TRIO: variants seen among roughly 807,000 people sequenced by gnomAD.
TRIO encodes triple functional domain protein.
In TRIO, 58 loss-of-function variants were observed where a neutral mutation model predicts 351.9. The ratio of observed to expected loss-of-function variants is 0.16; its 90% CI spans 0.13 to 0.21. TRIO has a LOEUF of 0.21. TRIO is among the 10% of genes least tolerant of loss of function. The pLI, the probability that TRIO is intolerant of heterozygous loss-of-function variation, is 1.00. For missense variants in TRIO, 3,201 were observed against 4,027.8 expected (o/e 0.79, Z 5.56); for synonymous variants, 1,758 against 1,595.7 (o/e 1.10, Z -2.42).
At chr5:14,388,500 C>G in intron 23 of TRIO, 113 bp from the exon 24 acceptor site, 1 of 1,012,444 alleles carries the variant, frequency 9.9e-7, no homozygotes, top group Non-Finnish European at 1.5e-6. Flanking sequence ...CCAAAATGAT[C>G]AATCTAAGAC....
intron 1 of TRIO, among the ~76,000 whole-genome samples, chr5:14,237,571 G>T (rs370360676): frequency 1.3e-5 from 2 of 152,176 alleles, no homozygotes; most frequent in Non-Finnish European, 2.9e-5. Flanking sequence ...TGTGTCGTGC[G>T]CACACCTGCT....
At chr5:14,298,139 A>G (rs916003508) in intron 7 of TRIO, among the ~76,000 whole-genome samples, 1 of 152,118 alleles carries the variant, frequency 6.6e-6, no homozygotes, top group African/African-American at 2.4e-5. Context: ...ACTTAGCTAC[A>G]TGGCATCTGA....
At position 14,244,270 on chromosome 5, in the gene TRIO, G is replaced by T. The variant is rs545451001; in HGVS notation, c.158-26555G>T. ...GCCAGTTTCGGGAATGCACTTTGAA[G>T]TTGTAATTTCCTGTTTAATTTATGA... On this transcript the variant is annotated intron_variant, in intron 1 of 56. Transcript: ENST00000344204. Among the ~76,000 whole-genome samples, 17 of 152,296 alleles carry T rather than the reference G, an allele frequency of 1.1e-4. No individual in the cohort carries two copies. The East Asian group carries it at 2.3e-3, about 21-fold the overall frequency.
chr5:14,504,091 G>A (rs1757484536), intron 54 of TRIO, among the ~76,000 whole-genome samples: 1 of 152,252 alleles, frequency 6.6e-6, no homozygotes, highest in Non-Finnish European at 1.5e-5. Flanking sequence ...GCCCGGCAAG[G>A]CCAAGGCTCA....
At chr5:14,223,112 T>C (rs1231327539) in intron 1 of TRIO, among the ~76,000 whole-genome samples, 3 of 152,194 alleles carry the variant, frequency 2.0e-5, no homozygotes, top group Non-Finnish European at 4.4e-5. Context: ...CTGCTGCTTA[T>C]GAGTTGTCCC....
chr5:14,343,105 AAGAG>A (rs1169316177), intron 11 of TRIO, among the ~76,000 whole-genome samples: 48 of 124,474 alleles, frequency 3.9e-4, no homozygotes, highest in African/African-American at 1.2e-3. Flanking sequence ...AAAAAAAAAA[AAGAG>A]AGAGAAATGG....
chr5:14,398,053 T>G (rs1237285043), intron 29 of TRIO, among the ~76,000 whole-genome samples: 2 of 152,210 alleles, frequency 1.3e-5, no homozygotes, highest in Non-Finnish European at 2.9e-5. Flanking sequence ...TACCCGCTAC[T>G]TTGCTCACTT....
At chr5:14,342,184 C>G (rs1334415662) in intron 11 of TRIO, among the ~76,000 whole-genome samples, 1 of 152,234 alleles carries the variant, frequency 6.6e-6, no homozygotes, top group East Asian at 1.9e-4. Context: ...CAGGTGCTCT[C>G]TGGCTTCTTG....
At chr5:14,382,791 C>A (rs1246882494) in intron 21 of TRIO, among the ~76,000 whole-genome samples, 2 of 149,894 alleles carry the variant, frequency 1.3e-5, no homozygotes, top group African/African-American at 4.9e-5. Flanking sequence ...TGCTCTGTTA[C>A]CCAGGCTGGA....
intron 34 of TRIO, among the ~76,000 whole-genome samples, chr5:14,440,021 G>T (rs1022699343): frequency 6.6e-6 from 1 of 151,808 alleles, no homozygotes; most frequent in Admixed American, 6.6e-5. Context: ...GTGGAGGTGG[G>T]GACAAAACCA....
chr5:14,304,651 C>T (rs961815437), intron 8 of TRIO, 59 bp downstream of exon 8: 36 of 1,538,616 alleles, frequency 2.3e-5, no homozygotes, highest in Middle Eastern at 1.7e-4. Context: ...CATAGTACAC[C>T]GGAAGCTAGA....
chr5:14,148,456 G>T (rs542876021), intron 1 of TRIO, among the ~76,000 whole-genome samples: 1 of 152,270 alleles, frequency 6.6e-6, no homozygotes, highest in African/African-American at 2.4e-5. Context: ...CCAGAGAAAA[G>T]TCTAATTCTT....
In TRIO at chr5:14,359,465, C is replaced by G. The variant is rs757145033; in HGVS notation, c.2325C>G (p.Phe775Leu). Residue 775 changes from phenylalanine to leucine, a missense_variant, in exon 13 of 57, where the codon TTC (phenylalanine) becomes TTG (leucine). Physicochemically the swap from Phe to Leu is conservative, Grantham distance 22. Around this residue, in one of 19 missense-constraint regions of TRIO, gnomAD observed 363 missense variants for 553.5 expected, o/e 0.66. Coordinates refer to ENST00000344204, the MANE Select transcript of TRIO (RefSeq NM_007118.4). ...DEAQSQMEELFQERKIKLELF... is the reference protein window; with the variant it reads ...DEAQSQMEELLQERKIKLELF... ...CGCAGTCGCAGATGGAGGAGCTCTT[C>G]CAGGAGCGCAAGATCAAGCTGGAGC... 2.5e-6 allele frequency: 4 copies of G among 1,614,270 alleles called. No homozygotes were observed. The Admixed American group carries it at 6.7e-5, about 27-fold the overall frequency.
intron 1 of TRIO, among the ~76,000 whole-genome samples, chr5:14,254,035 T>C (rs1341680599): frequency 6.8e-6 from 1 of 147,924 alleles, no homozygotes; most frequent in Non-Finnish European, 1.5e-5. Flanking sequence ...TTTGAAGATA[T>C]TATTTCAAAA....
chr5:14,507,770 C>T lies in TRIO; in HGVS notation c.8752-110C>T, dbSNP rs989064454. 5 of 1,360,164 alleles carry T rather than the reference C, an allele frequency of 3.7e-6. No individual in the cohort carries two copies. In the South Asian group the frequency reaches 4.3e-5, roughly 12 times the overall value. 84.3% of individuals were successfully genotyped at this position (1,360,164 alleles called of 1,614,324 possible). A position where few individuals can be genotyped will look rare whatever the true frequency, so the allele number is the denominator to read the frequency against. On this transcript the variant is annotated intron_variant, in intron 56 of 56. Coordinates refer to ENST00000344204, the MANE Select transcript of TRIO (RefSeq NM_007118.4). ...CCTGCTTTGCACATGCATGGCTTGT[C>T]CTAGTTGACATCCTAGATTCCTTCC...
At chr5:14,323,201 G>A in intron 9 of TRIO, among the ~76,000 whole-genome samples, 1 of 152,040 alleles carries the variant, frequency 6.6e-6, no homozygotes, top group South Asian at 2.1e-4. Context: ...GTTGAATTCT[G>A]TGTCTGTTTT....
At chr5:14,479,479 C>G in intron 42 of TRIO, 129 bp downstream of exon 42, 1 of 722,504 alleles carries the variant, frequency 1.4e-6, no homozygotes, top group Non-Finnish European at 2.2e-6. Flanking sequence ...GATAAGACTT[C>G]TGAACCTTTC....
chr5:14,450,903 A>G (rs1374047229), intron 34 of TRIO, among the ~76,000 whole-genome samples: 1 of 152,204 alleles, frequency 6.6e-6, no homozygotes, highest in Non-Finnish European at 1.5e-5. Flanking sequence ...TTTCCAGAGG[A>G]ACAAATTAAG....
chr5:14,186,075 G>A (rs978400842), intron 1 of TRIO, among the ~76,000 whole-genome samples: 2 of 152,212 alleles, frequency 1.3e-5, no homozygotes, highest in Admixed American at 1.3e-4. Flanking sequence ...CTACTGAGTA[G>A]TATTTAGATG....
Sources: allele counts gnomAD v4.1 joint callset (sites outside exome capture counted in the v4.1 genomes callset), GRCh38; gene constraint gnomAD v4.1.1; regional missense constraint gnomAD v4.1.1; transcripts MANE v1.5; gene names NCBI Gene and HGNC (gene_info 2026-07-23, HGNC 2026-07-21).